The following AGBL4 variants were observed in gnomAD, a reference collection of about 807,000 sequenced individuals.
The protein encoded by AGBL4 is AGBL carboxypeptidase 4.
Under a neutral mutation model 66.4 loss-of-function variants are expected in AGBL4, and 58 were observed. That is an observed-to-expected ratio of 0.87 (90% CI 0.71 to 1.09). The LOEUF (loss-of-function observed/expected upper bound fraction) is 1.09, where lower values mean the gene tolerates loss of function less well. Among genes scored for constraint, AGBL4 ranks in the 50% least tolerant of loss-of-function variants. The probability of loss-of-function intolerance (pLI) is 0.00; values close to 1 mark genes in which losing one functional copy is unlikely to be tolerated. For missense variants in AGBL4, 579 were observed against 631.0 expected (o/e 0.92, Z 0.88); for synonymous variants, 234 against 222.9 (o/e 1.05, Z -0.44).
intron 4 of AGBL4, among the ~76,000 whole-genome samples, chr1:49,231,317 T>C (rs1650289554): frequency 6.6e-6 from 1 of 151,960 alleles, no homozygotes; most frequent in African/African-American, 2.4e-5. Flanking sequence ...AGGGAAGGAG[T>C]TTGTCTTCTT....
intron 3 of AGBL4, among the ~76,000 whole-genome samples, chr1:49,556,134 G>A (rs1653424796): frequency 6.6e-6 from 1 of 152,084 alleles, no homozygotes; most frequent in African/African-American, 2.4e-5. Flanking sequence ...CAACCCAAAT[G>A]TCCAACAATT....
chr1:49,302,279 G>GTC (rs1363567384), intron 3 of AGBL4, among the ~76,000 whole-genome samples: 1 of 149,138 alleles, frequency 6.7e-6, no homozygotes, highest in African/African-American at 2.5e-5. Flanking sequence ...CTGAGGCGTA[G>GTC]TCTCACTCTG....
At chr1:49,069,667 A>G (rs1644561124) in intron 4 of AGBL4, among the ~76,000 whole-genome samples, 1 of 151,830 alleles carries the variant, frequency 6.6e-6, no homozygotes, top group Admixed American at 6.6e-5. Flanking sequence ...AGGTAGCGTG[A>G]CACCTCCAGC....
At chr1:48,567,440 C>G (rs775123737) in intron 11 of AGBL4, among the ~76,000 whole-genome samples, 50 of 152,226 alleles carry the variant, frequency 3.3e-4, no homozygotes, top group Non-Finnish European at 3.2e-4. Flanking sequence ...TATGGAGGGA[C>G]TGAGGAGGGG....
At chr1:48,753,757 G>A (rs1489384236) in intron 6 of AGBL4, among the ~76,000 whole-genome samples, 1 of 152,208 alleles carries the variant, frequency 6.6e-6, no homozygotes, top group Non-Finnish European at 1.5e-5. Context: ...TATCGGAATT[G>A]TCCAATGAGA....
intron 9 of AGBL4, among the ~76,000 whole-genome samples, chr1:48,610,187 T>C (rs1328881506): frequency 6.6e-6 from 1 of 152,214 alleles, no homozygotes; most frequent in Non-Finnish European, 1.5e-5. Flanking sequence ...CCTGACTACG[T>C]TGTACCACAA....
In AGBL4 at chr1:49,600,099, T is replaced by G. The variant is rs116629070; in HGVS notation, c.282+97214A>C. Among the ~76,000 whole-genome samples, 545 of 152,314 alleles carry G rather than the reference T, an allele frequency of 3.6e-3. 1 individual carries two copies. The highest frequency in any genetic ancestry group is 0.012 in the African/African-American group (506 of 41,558). Reference sequence around the variant, plus strand: ...AATGTATATTCTGTTAATTTGGGATTGGAGAGTTCTGCAGATGTCTATTAG... The same window carrying G: ...AATGTATATTCTGTTAATTTGGGATGGGAGAGTTCTGCAGATGTCTATTAG... On this transcript the variant is annotated intron_variant, in intron 3 of 13. Coordinates refer to ENST00000371839, the MANE Select transcript of AGBL4 (RefSeq NM_032785.4).
intron 4 of AGBL4, among the ~76,000 whole-genome samples, chr1:49,138,312 A>G (rs1006600522): frequency 1.3e-5 from 2 of 152,134 alleles, no homozygotes; most frequent in African/African-American, 2.4e-5. Flanking sequence ...GACTTTGCAG[A>G]AGCTAATGGA....
chr1:48,804,367 C>T (rs1414957850), intron 6 of AGBL4, among the ~76,000 whole-genome samples: 1 of 152,208 alleles, frequency 6.6e-6, no homozygotes, highest in Non-Finnish European at 1.5e-5. Context: ...TCCCTGCATA[C>T]CTCCCAACAA....
chr1:49,310,830 T>A (rs1009173086), intron 3 of AGBL4, among the ~76,000 whole-genome samples: 1 of 151,964 alleles, frequency 6.6e-6, no homozygotes, highest in Non-Finnish European at 1.5e-5. Flanking sequence ...AAAAAGTACG[T>A]CTGTAGTACA....
chr1:48,965,571 C>T (rs1658353234), intron 5 of AGBL4, among the ~76,000 whole-genome samples: 1 of 152,110 alleles, frequency 6.6e-6, no homozygotes, highest in Non-Finnish European at 1.5e-5. Context: ...GATTTTTGGG[C>T]CACCCATAGG....
chr1:48,584,431 G>T (rs1644786382), intron 11 of AGBL4: 1 of 152,182 alleles, frequency 6.6e-6, no homozygotes, highest in South Asian at 2.1e-4. Context: ...TAAAAACTCA[G>T]TTTAGGCCGG....
intron 5 of AGBL4, among the ~76,000 whole-genome samples, chr1:48,893,045 A>C (rs1651127627): frequency 6.6e-6 from 1 of 152,168 alleles, no homozygotes; most frequent in Non-Finnish European, 1.5e-5. Flanking sequence ...GAGTGCACTT[A>C]TCTACTGTAC....
At chr1:49,093,377 T>A (rs1196952721) in intron 4 of AGBL4, among the ~76,000 whole-genome samples, 3 of 152,174 alleles carry the variant, frequency 2.0e-5, no homozygotes, top group Non-Finnish European at 4.4e-5. Flanking sequence ...ACACCAGTCA[T>A]ATAATGGAAA....
intron 6 of AGBL4, among the ~76,000 whole-genome samples, chr1:48,722,530 T>C (rs997422036): frequency 6.6e-5 from 10 of 152,140 alleles, no homozygotes; most frequent in African/African-American, 2.4e-4. Context: ...TTTCCTCTAA[T>C]CTAATAAATA....
chr1:49,008,503 A>G (rs2149001367), intron 5 of AGBL4, among the ~76,000 whole-genome samples: 1 of 148,832 alleles, frequency 6.7e-6, no homozygotes, highest in African/African-American at 2.5e-5. Flanking sequence ...CCAGGAATTG[A>G]ACTCAGCTCT....
At chr1:50,019,296 TCTCTCTCTCTCACA>T (rs1453957148) in intron 1 of AGBL4, among the ~76,000 whole-genome samples, 4 of 92,700 alleles carry the variant, frequency 4.3e-5, no homozygotes, top group African/African-American at 1.4e-4. Context: ...TCTCTCTCTC[TCTCTCTCTCTCACA>T]CACACACACA....
intron 4 of AGBL4, among the ~76,000 whole-genome samples, chr1:49,067,599 G>A (rs923207549): frequency 2.6e-5 from 4 of 152,028 alleles, no homozygotes; most frequent in African/African-American, 9.7e-5. Context: ...ACACAAAGCA[G>A]TCTTTCCTGA....
intron 8 of AGBL4, among the ~76,000 whole-genome samples, chr1:48,638,873 G>A (rs1337983630): frequency 3.3e-5 from 5 of 152,140 alleles, no homozygotes; most frequent in Non-Finnish European, 7.3e-5. Flanking sequence ...TAGTTCTCAT[G>A]ACCATTCAAT....
Sources: allele counts gnomAD v4.1 joint callset (sites outside exome capture counted in the v4.1 genomes callset), GRCh38; gene constraint gnomAD v4.1.1; transcripts MANE v1.5; gene names NCBI Gene and HGNC (gene_info 2026-07-23, HGNC 2026-07-21).